Variants in NLGN4X observed in about 807,000 individuals in gnomAD.
The protein encoded by NLGN4X is neuroligin 4 X-linked.
In NLGN4X, 3 loss-of-function variants were observed where a neutral mutation model predicts 40.3. The ratio of observed to expected loss-of-function variants is 0.07; its 90% CI spans 0.03 to 0.19. NLGN4X has a LOEUF of 0.19. Ranked by LOEUF, NLGN4X falls within the 10% of genes least tolerant of loss-of-function variation. The probability of loss-of-function intolerance (pLI) is 1.00; values close to 1 mark genes in which losing one functional copy is unlikely to be tolerated. For synonymous variants in NLGN4X, 270 were observed against 306.8 expected (o/e 0.88, Z 1.25); for missense variants, 382 against 708.3 (o/e 0.54, Z 5.23).
At chrX:6,079,577 T>C (rs2038294815) in intron 2 of NLGN4X, among the ~76,000 whole-genome samples, 1 of 111,853 alleles carries the variant, frequency 8.9e-6, no homozygotes. Context: ...ATGAGCACCA[T>C]GATATTGGGA....
intron 3 of NLGN4X, among the ~76,000 whole-genome samples, chrX:5,925,879 CACATATATATATAT>C (rs1248326937): frequency 0.27 from 12,463 of 46,628 alleles, 1,459 homozygotes; most frequent in Middle Eastern, 0.44. Context: ...TATACATACA[CACATATATATATAT>C]ATATATATAT....
intron 3 of NLGN4X, among the ~76,000 whole-genome samples, chrX:5,920,468 C>A (rs756053838): frequency 6.3e-5 from 7 of 111,907 alleles, no homozygotes; most frequent in Non-Finnish European, 1.1e-4. Context: ...CTGCAGTTGT[C>A]CAGGTGAAAG....
At chrX:6,069,534 T>C (rs943835986) in intron 2 of NLGN4X, among the ~76,000 whole-genome samples, 1 of 112,209 alleles carries the variant, frequency 8.9e-6, no homozygotes, top group Non-Finnish European at 1.9e-5. Context: ...AAATATGTAA[T>C]GATCTAATAG....
chrX:6,200,687 C>CTTTTTTTTTTTCTTTT (rs1556005144), intron 1 of NLGN4X, among the ~76,000 whole-genome samples: 4 of 55,575 alleles, frequency 7.2e-5, no homozygotes, highest in Non-Finnish European at 1.2e-4. Context: ...CTTTCCTTTT[C>CTTTTTTTTTTTCTTTT]TTTTTTTTTT....
chrX:5,931,295 C>T (rs762136126), intron 3 of NLGN4X, among the ~76,000 whole-genome samples: 2 of 112,270 alleles, frequency 1.8e-5, no homozygotes, highest in East Asian at 2.8e-4. Context: ...CTATGATATA[C>T]GCTGATAAAT....
intron 1 of NLGN4X, among the ~76,000 whole-genome samples, chrX:6,171,195 A>T (rs142258489): frequency 1.2e-3 from 133 of 111,800 alleles, no homozygotes; most frequent in Middle Eastern, 4.6e-3. Context: ...CTCTAATTAA[A>T]TCTCCTTCAT....
At chrX:6,029,697 G>A (rs1339771301) in intron 2 of NLGN4X, among the ~76,000 whole-genome samples, 3 of 111,090 alleles carry the variant, frequency 2.7e-5, no homozygotes, top group Non-Finnish European at 3.8e-5. Flanking sequence ...TATATCTAAA[G>A]CACTAAAAGA....
At chrX:6,210,242 T>TTG (rs748017875) in intron 1 of NLGN4X, among the ~76,000 whole-genome samples, 11,568 of 93,889 alleles carry the variant, frequency 0.12, 644 homozygotes, top group Non-Finnish European at 0.16. Context: ...GTGCGCCCGT[T>TTG]TGTGTGTGTG....
chrX:6,006,162 A>G (rs1174965891), intron 3 of NLGN4X, among the ~76,000 whole-genome samples: 1 of 111,167 alleles, frequency 9.0e-6, no homozygotes, highest in Non-Finnish European at 1.9e-5. Context: ...ACCAAATCTT[A>G]TAAGATAAAT....
chrX:5,977,632 G>C (rs1383091134), intron 3 of NLGN4X, among the ~76,000 whole-genome samples: 1 of 110,840 alleles, frequency 9.0e-6, no homozygotes, highest in East Asian at 2.8e-4. Flanking sequence ...TGGTGGGTGT[G>C]AACTGGGGAT....
chrX:6,219,161 G>GTATATA (rs368475429), intron 1 of NLGN4X, among the ~76,000 whole-genome samples: 1 of 94,795 alleles, frequency 1.1e-5, no homozygotes, highest in Non-Finnish European at 2.1e-5. Flanking sequence ...GTGTGTGTGT[G>GTATATA]TATATATATA....
At position 5,891,515 on chromosome X, in the gene NLGN4X, C is replaced by T; in HGVS notation, c.*1302G>A. On this transcript the variant is annotated 3_prime_UTR_variant, in exon 6 of 6. Transcript: ENST00000381095. ...TCTGATTAGCTAAGCTGAGCAGGTACTTCATCGGCCAAACCCTCCCGCAGC... is the reference window on the plus strand; with the variant it reads ...TCTGATTAGCTAAGCTGAGCAGGTATTTCATCGGCCAAACCCTCCCGCAGC... 3.4e-6 allele frequency: 1 copy of T among 292,054 alleles called. No individual in the cohort carries two copies. Among genetic ancestry groups the T allele is most frequent in the South Asian group, 3.3e-5 (1 of 30,501 alleles). 24.1% of individuals were successfully genotyped at this position (292,054 alleles called of 1,213,427 possible). A position where few individuals can be genotyped will look rare whatever the true frequency, so the allele number is the denominator to read the frequency against.
chrX:6,119,668 G>T (rs1052032623), intron 2 of NLGN4X, among the ~76,000 whole-genome samples: 4 of 110,915 alleles, frequency 3.6e-5, no homozygotes, highest in African/African-American at 1.3e-4. Flanking sequence ...TCACATATAG[G>T]CCCCATGTTC....
At chrX:6,020,965 C>T (rs1465564406) in intron 3 of NLGN4X, among the ~76,000 whole-genome samples, 1 of 106,247 alleles carries the variant, frequency 9.4e-6, no homozygotes, top group East Asian at 3.0e-4. Flanking sequence ...GCATACATCA[C>T]CACATCTGGC....
In NLGN4X at chrX:6,089,677, T is replaced by C. The variant is rs140867914; in HGVS notation, c.473-60245A>G. 7.2e-3 allele frequency among the ~76,000 whole-genome samples: 805 copies of C among 112,241 alleles called. 9 individuals carry two copies. Among genetic ancestry groups the C allele is most frequent in the African/African-American group, 0.025 (759 of 30,930 alleles). On this transcript the variant is annotated intron_variant, in intron 2 of 5. Transcript: ENST00000381095. The stretch of plus-strand genomic sequence containing the variant: ...GTATGTGTTGGGGCGGATAAGGAGA[T>C]AGGTTTAAAAGAGAGGTCATTCTAT...
intron 3 of NLGN4X, among the ~76,000 whole-genome samples, chrX:5,989,082 A>G (rs545144757): frequency 1.2e-5 from 1 of 82,393 alleles, no homozygotes; most frequent in Non-Finnish European, 2.5e-5. Flanking sequence ...AAATAAAAAA[A>G]ATAAAAAAAA....
chrX:6,055,560 C>G lies in NLGN4X; in HGVS notation c.473-26128G>C, dbSNP rs1419546747. On this transcript the variant is annotated intron_variant, in intron 2 of 5. Transcript: ENST00000381095. The stretch of plus-strand genomic sequence containing the variant: ...TGCTCACTACCTGGGTGACAGGATC[C>G]TTCCTGCAAACCCCAGCATCAGGCA... Among the ~76,000 whole-genome samples, 5 of 110,975 alleles carry G rather than the reference C, an allele frequency of 4.5e-5. No individual in the cohort carries two copies. In the South Asian group the frequency reaches 1.2e-3, roughly 26 times the overall value.
At chrX:6,087,152 G>A (rs1041797814) in intron 2 of NLGN4X, among the ~76,000 whole-genome samples, 1 of 111,778 alleles carries the variant, frequency 8.9e-6, no homozygotes, top group Non-Finnish European at 1.9e-5. Context: ...AAATATAGGT[G>A]CAGTTATGGT....
intron 5 of NLGN4X, among the ~76,000 whole-genome samples, chrX:5,893,902 G>A (rs2031342623): frequency 8.9e-6 from 1 of 111,820 alleles, no homozygotes; most frequent in Admixed American, 9.5e-5. Flanking sequence ...CCTGATAGCA[G>A]CATTATGCAA....
Sources: allele counts gnomAD v4.1 joint callset (sites outside exome capture counted in the v4.1 genomes callset), GRCh38; gene constraint gnomAD v4.1.1; transcripts MANE v1.5; gene names NCBI Gene and HGNC (gene_info 2026-07-23, HGNC 2026-07-21).